SNTG1: variants seen among roughly 807,000 people sequenced by gnomAD.
SNTG1 encodes gamma-1-syntrophin.
SNTG1 carries 39 observed loss-of-function variants against 74.7 expected under a neutral mutation model. That is an observed-to-expected ratio of 0.52 (90% CI 0.40 to 0.68). The LOEUF (loss-of-function observed/expected upper bound fraction) is 0.68, where lower values mean the gene tolerates loss of function less well. SNTG1 is among the 30% of genes least tolerant of loss of function. The probability of loss-of-function intolerance (pLI) is 0.00; values close to 1 mark genes in which losing one functional copy is unlikely to be tolerated. For missense variants in SNTG1, 685 were observed against 609.5 expected (o/e 1.12, Z -1.30); for synonymous variants, 254 against 217.1 (o/e 1.17, Z -1.49).
At chr8:50,674,442 T>C (rs1158444782) in intron 15 of SNTG1, among the ~76,000 whole-genome samples, 2 of 152,074 alleles carry the variant, frequency 1.3e-5, no homozygotes, top group African/African-American at 2.4e-5. Context: ...TTTTTCTAGA[T>C]TTTCTAGTTT....
chr8:50,426,538 T>C (rs1415843683), intron 4 of SNTG1, among the ~76,000 whole-genome samples: 1 of 151,822 alleles, frequency 6.6e-6, no homozygotes, highest in Non-Finnish European at 1.5e-5. Context: ...TGTGTTTGTG[T>C]TTTAAGCTAA....
chr8:50,434,106 T>C (rs948520152), intron 4 of SNTG1, among the ~76,000 whole-genome samples: 1 of 149,978 alleles, frequency 6.7e-6, no homozygotes, highest in South Asian at 2.2e-4. Context: ...GTTCTCATTG[T>C]TCAATTCCCA....
At position 50,642,221 on chromosome 8, in the gene SNTG1, G is replaced by A. The variant is rs192797515; in HGVS notation, c.850-14688G>A. 5.2e-3 allele frequency among the ~76,000 whole-genome samples: 791 copies of A among 152,102 alleles called. 3 individuals are homozygous for A. The highest frequency in any genetic ancestry group is 0.01 in the Middle Eastern group (3 of 294). On this transcript the variant is annotated intron_variant, in intron 13 of 18. Coordinates refer to ENST00000642720, the MANE Select transcript of SNTG1 (RefSeq NM_018967.5). ...TAAAATTCTACTTTCAAAATAGATC[G>A]AGTTAAACTACTCTCTAAAGCCTTC...
Position 50,536,706 on chromosome 8 carries a change from C to T in SNTG1, c.578C>T (p.Thr193Met), listed in dbSNP as rs2094310173. ...TDTLSCSSWPTSPGLRWEKRW... is the reference protein window; with the variant it reads ...TDTLSCSSWPMSPGLRWEKRW... ...ACATTATCATGCTCGTCGTGGCCGA[C>T]GTCTCCAGGCTTGAGGTGGGAGAAG... Residue 193 changes from threonine to methionine, a missense_variant, in exon 11 of 19, where the codon ACG (threonine) becomes ATG (methionine). Coordinates refer to ENST00000642720, the MANE Select transcript of SNTG1 (RefSeq NM_018967.5). 2.5e-6 allele frequency: 4 copies of T among 1,613,868 alleles called. No individual in the cohort carries two copies. The highest frequency in any genetic ancestry group is 3.4e-6 in the Non-Finnish European group (4 of 1,179,832).
At chr8:50,019,791 A>C in intron 1 of SNTG1, among the ~76,000 whole-genome samples, 1 of 152,152 alleles carries the variant, frequency 6.6e-6, no homozygotes, top group African/African-American at 2.4e-5. Context: ...CAATTGTACA[A>C]ACTAGTGTTT....
chr8:50,412,169 T>C (rs2092957822), intron 4 of SNTG1, among the ~76,000 whole-genome samples: 2 of 152,212 alleles, frequency 1.3e-5, no homozygotes, highest in Admixed American at 1.3e-4. Context: ...CGTGTTTTGT[T>C]AAACCTAGCA....
intron 1 of SNTG1, among the ~76,000 whole-genome samples, chr8:50,065,552 A>T (rs1820831996): frequency 6.6e-6 from 1 of 152,144 alleles, no homozygotes; most frequent in East Asian, 1.9e-4. Flanking sequence ...ACTCTATTAT[A>T]TTTTGCTTTT....
chr8:50,105,933 A>G (rs970610126), intron 1 of SNTG1, among the ~76,000 whole-genome samples: 1 of 152,072 alleles, frequency 6.6e-6, no homozygotes, highest in African/African-American at 2.4e-5. Flanking sequence ...CTTTTGGGTA[A>G]TTACTGTGGG....
At chr8:50,531,628 T>C (rs1483491665) in intron 10 of SNTG1, among the ~76,000 whole-genome samples, 12 of 152,186 alleles carry the variant, frequency 7.9e-5, no homozygotes, top group Non-Finnish European at 1.2e-4. Flanking sequence ...CTTATCCCTC[T>C]TGTCTGGATC....
chr8:50,129,240 G>C (rs1295000755), intron 1 of SNTG1, among the ~76,000 whole-genome samples: 1 of 152,008 alleles, frequency 6.6e-6, no homozygotes, highest in Non-Finnish European at 1.5e-5. Context: ...AGTTAGTTTA[G>C]CACACACGCT....
chr8:50,203,754 G>A (rs1430540241), intron 2 of SNTG1, among the ~76,000 whole-genome samples: 5 of 151,374 alleles, frequency 3.3e-5, no homozygotes, highest in African/African-American at 1.2e-4. Context: ...AAATATGTGT[G>A]TGTGTGTTTC....
chr8:50,755,058 C>A (rs2095576896), intron 18 of SNTG1, among the ~76,000 whole-genome samples: 1 of 151,872 alleles, frequency 6.6e-6, no homozygotes. Flanking sequence ...AGTCAACATC[C>A]CCCACCAGAG....
intron 11 of SNTG1, among the ~76,000 whole-genome samples, chr8:50,548,748 A>T (rs1027480596): frequency 2.6e-5 from 4 of 152,180 alleles, no homozygotes; most frequent in African/African-American, 7.2e-5. Flanking sequence ...TTCCAAATAC[A>T]TGGGTTAAAG....
chr8:50,288,195 TA>T (rs2088892911), intron 2 of SNTG1, among the ~76,000 whole-genome samples: 2 of 152,110 alleles, frequency 1.3e-5, no homozygotes, highest in Admixed American at 6.6e-5. Context: ...TAAGCACGCT[TA>T]AAAAAATAAT....
At chr8:50,385,827 A>G (rs2092565948) in intron 2 of SNTG1, among the ~76,000 whole-genome samples, 2 of 152,294 alleles carry the variant, frequency 1.3e-5, no homozygotes, top group African/African-American at 4.8e-5. Context: ...TCTGCTACAG[A>G]GCTTCAATTA....
At chr8:50,055,323 G>T (rs932667168) in intron 1 of SNTG1, among the ~76,000 whole-genome samples, 4 of 152,042 alleles carry the variant, frequency 2.6e-5, no homozygotes, top group Non-Finnish European at 2.9e-5. Context: ...GGGAAAGCAA[G>T]AAGCACTCCC....
rs186059585 is a variant in SNTG1 at position 50,064,356 on chromosome 8, T to C, written c.-102-108205T>C. 1.2e-3 allele frequency among the ~76,000 whole-genome samples: 185 copies of C among 152,300 alleles called. 2 individuals are homozygous for C. The highest frequency in any genetic ancestry group is 4.2e-3 in the African/African-American group (176 of 41,568). On this transcript the variant is annotated intron_variant, in intron 1 of 18. Transcript: ENST00000642720. ...TCACTCCTCCTTTCCAGCAGAAAGC[T>C]CTTCATTCTCTCTCTCCAGATCATA...
chr8:50,492,333 C>T (rs2093864543), intron 8 of SNTG1, among the ~76,000 whole-genome samples: 1 of 152,200 alleles, frequency 6.6e-6, no homozygotes, highest in Admixed American at 6.5e-5. Flanking sequence ...AATGGTTGAA[C>T]TAATTTACCT....
At chr8:50,248,340 C>G (rs2086492395) in intron 2 of SNTG1, among the ~76,000 whole-genome samples, 2 of 152,252 alleles carry the variant, frequency 1.3e-5, no homozygotes, top group East Asian at 1.9e-4. Flanking sequence ...AGTGACAAGT[C>G]TCTCCATATT....
Sources: allele counts gnomAD v4.1 joint callset (sites outside exome capture counted in the v4.1 genomes callset), GRCh38; gene constraint gnomAD v4.1.1; transcripts MANE v1.5; gene names NCBI Gene and HGNC (gene_info 2026-07-23, HGNC 2026-07-21).